Variants in AFG3L2 observed in about 807,000 individuals in gnomAD.
AFG3L2 encodes AFG3 like matrix AAA peptidase subunit 2.
AFG3L2 carries 54 observed loss-of-function variants against 94.5 expected under a neutral mutation model. The ratio of observed to expected loss-of-function variants is 0.57; its 90% confidence interval spans 0.46 to 0.72. The LOEUF (loss-of-function observed/expected upper bound fraction) is 0.72, where lower values mean the gene tolerates loss of function less well. Among genes scored for constraint, AFG3L2 ranks in the 30% least tolerant of loss-of-function variants. The probability of loss-of-function intolerance (pLI) is 0.00; values close to 1 mark genes in which losing one functional copy is unlikely to be tolerated. For missense variants in AFG3L2, 754 were observed against 994.9 expected (o/e 0.76, Z 3.26); for synonymous variants, 377 against 365.5 (o/e 1.03, Z -0.36).
At chr18:12,349,236 G>A (rs544063722) in intron 12 of AFG3L2, among the ~76,000 whole-genome samples, 145 of 152,230 alleles carry the variant, frequency 9.5e-4, no homozygotes, top group African/African-American at 3.4e-3. Context: ...ACACCAGCTA[G>A]GATGGCTGTA....
Position 12,370,054 on chromosome 18 carries a change from C to CAAAAAA in AFG3L2, c.292+789_292+794dup, listed in dbSNP as rs796293157. ...TGGACGACAGAGCTAGACTCTGTCT[C>CAAAAAA]AAAAAAAAAAAAAAAAAAAAAAAAG... On this transcript the variant is annotated intron_variant, in intron 3 of 16. Transcript: ENST00000269143. 8.9e-4 allele frequency among the ~76,000 whole-genome samples: 32 copies of CAAAAAA among 36,002 alleles called. 2 individuals are homozygous for CAAAAAA. Among genetic ancestry groups the CAAAAAA allele is most frequent in the East Asian group, 3.2e-3 (3 of 940 alleles). The allele number at this position is 36,002 out of a possible 152,430, so 23.6% of individuals were successfully genotyped here.
intron 14 of AFG3L2, 108 bp from the exon 15 acceptor site, chr18:12,340,509 G>T: frequency 1.1e-6 from 1 of 884,734 alleles, no homozygotes; most frequent in Non-Finnish European, 1.9e-6. Flanking sequence ...CACAACAGCC[G>T]CACAGTTCAT....
At chr18:12,364,946 AG>A (rs1252446694) in intron 5 of AFG3L2, among the ~76,000 whole-genome samples, 1 of 152,198 alleles carries the variant, frequency 6.6e-6, no homozygotes, top group Non-Finnish European at 1.5e-5. Context: ...CACAGATTAC[AG>A]GTGTGAGCCA....
intron 16 of AFG3L2, among the ~76,000 whole-genome samples, chr18:12,333,243 TATATAA>T (rs1193282253): frequency 6.4e-5 from 8 of 124,938 alleles, no homozygotes; most frequent in African/African-American, 2.5e-4. Context: ...GATATATAAT[TATATAA>T]ATATATAGAT....
intron 6 of AFG3L2, among the ~76,000 whole-genome samples, chr18:12,361,456 G>A (rs146416030): frequency 6.6e-6 from 1 of 152,040 alleles, no homozygotes; most frequent in African/African-American, 2.4e-5. Flanking sequence ...AGATGAGCCT[G>A]GTCAAGATGG....
At chr18:12,373,365 G>A (rs1332992951) in intron 1 of AFG3L2, among the ~76,000 whole-genome samples, 1 of 152,232 alleles carries the variant, frequency 6.6e-6, no homozygotes, top group African/African-American at 2.4e-5. Context: ...CTGTCAAGCA[G>A]TGGGGTGTCC....
intron 10 of AFG3L2, among the ~76,000 whole-genome samples, chr18:12,352,486 T>G (rs959899251): frequency 1.1e-4 from 16 of 152,332 alleles, no homozygotes; most frequent in Admixed American, 1.0e-3. Flanking sequence ...ATGGAAAGAC[T>G]GCTACTCTCT....
chr18:12,348,474 T>A, intron 12 of AFG3L2, 91 bp from the exon 13 acceptor site: 1 of 963,962 alleles, frequency 1.0e-6, no homozygotes, highest in Non-Finnish European at 1.7e-6. Context: ...TAGTTAATTT[T>A]TAAATCAGCA....
intron 12 of AFG3L2, 48 bp downstream of exon 12, chr18:12,351,037 C>T (rs1186696821): frequency 1.2e-6 from 2 of 1,609,888 alleles, no homozygotes; most frequent in East Asian, 2.2e-5. Context: ...GTAACTGTTA[C>T]TGATTTTAAT....
intron 14 of AFG3L2, chr18:12,342,489 C>T (rs1208060612): frequency 2.0e-5 from 3 of 152,194 alleles, no homozygotes; most frequent in East Asian, 3.9e-4. Context: ...TTTTGGAGGG[C>T]GTGGCTTGCC....
At chr18:12,370,139 T>TA (rs1339355596) in intron 3 of AFG3L2, among the ~76,000 whole-genome samples, 1 of 150,502 alleles carries the variant, frequency 6.6e-6, no homozygotes. Context: ...CACCGTGCTC[T>TA]AAAAAAGTCT....
intron 3 of AFG3L2, among the ~76,000 whole-genome samples, chr18:12,367,659 G>T (rs148767909): frequency 6.6e-6 from 1 of 152,256 alleles, no homozygotes; most frequent in South Asian, 2.1e-4. Context: ...GAGGGAGAAA[G>T]TATAGCTTAA....
At chr18:12,332,940 C>CATTTACTATATAAT (rs1907589059) in intron 16 of AFG3L2, among the ~76,000 whole-genome samples, 1 of 112,202 alleles carries the variant, frequency 8.9e-6, no homozygotes, top group African/African-American at 3.5e-5. Context: ...TACTATATAA[C>CATTTACTATATAAT]ATATAATATA....
chr18:12,347,356 C>T (rs983639917), intron 13 of AFG3L2, among the ~76,000 whole-genome samples: 4 of 152,166 alleles, frequency 2.6e-5, no homozygotes, highest in Admixed American at 1.3e-4. Flanking sequence ...CCTCCTCTTC[C>T]GTGGAACTCT....
intron 1 of AFG3L2, among the ~76,000 whole-genome samples, chr18:12,372,794 T>A (rs1226530034): frequency 6.6e-6 from 1 of 152,214 alleles, no homozygotes; most frequent in Non-Finnish European, 1.5e-5. Flanking sequence ...AGGTCACATA[T>A]TATGATTCCA....
intron 16 of AFG3L2, among the ~76,000 whole-genome samples, chr18:12,330,758 G>T (rs1907497562): frequency 6.6e-6 from 1 of 151,490 alleles, no homozygotes; most frequent in Admixed American, 6.6e-5. Flanking sequence ...AGCAGCCTGG[G>T]CAACAGAGCA....
At chr18:12,350,971 A>C in intron 12 of AFG3L2, 114 bp downstream of exon 12, 1 of 1,407,344 alleles carries the variant, frequency 7.1e-7, no homozygotes, top group Non-Finnish European at 9.9e-7. Flanking sequence ...TGAGAATATA[A>C]ACTTAGGAAG....
At chr18:12,334,188 T>G (rs2143098858) in intron 16 of AFG3L2, among the ~76,000 whole-genome samples, 1 of 152,358 alleles carries the variant, frequency 6.6e-6, no homozygotes, top group South Asian at 2.1e-4. Flanking sequence ...CCTGGCTGGC[T>G]CTGCAGTATT....
rs1555670068 is a variant in AFG3L2 at position 12,332,932 on chromosome 18, C to CTATATTATATAATA, written c.2176-3150_2176-3149insTATTATATAATATA. Among the ~76,000 whole-genome samples, 145 of 113,068 alleles carry CTATATTATATAATA rather than the reference C, an allele frequency of 1.3e-3. 1 individual carries two copies. Among genetic ancestry groups the CTATATTATATAATA allele is most frequent in the African/African-American group, 4.4e-3 (130 of 29,646 alleles). The allele number at this position is 113,068 out of a possible 152,430, so 74.2% of individuals were successfully genotyped here. ...AAATATATATTATATATAACATATA[C>CTATATTATATAATA]TATATAACATATAATATATTATATA... On this transcript the variant is annotated intron_variant, in intron 16 of 16. Transcript: ENST00000269143.
Sources: gnomAD v4.1 joint callset for allele counts (sites outside exome capture counted in the v4.1 genomes callset) on GRCh38, gnomAD v4.1.1 for gene constraint, MANE v1.5 for transcripts, NCBI Gene and HGNC (gene_info 2026-07-23, HGNC 2026-07-21) for gene names.